Variants in PLB1 observed in about 807,000 individuals in gnomAD.
PLB1 encodes the protein phospholipase B1.
A neutral mutation model predicts 227.4 loss-of-function variants in PLB1; 242 were observed. The ratio of observed to expected loss-of-function variants is 1.06; its 90% CI spans 0.96 to 1.18. PLB1 has a LOEUF of 1.18. PLB1 is among the 50% of genes most tolerant of loss of function. The probability of loss-of-function intolerance (pLI) is 0.00; values close to 1 mark genes in which losing one functional copy is unlikely to be tolerated. For missense variants in PLB1, 1,858 were observed against 1,816.3 expected, an observed-to-expected ratio of 1.02 and a Z score of -0.42; for synonymous variants, 757 against 682.2, an observed-to-expected ratio of 1.11 and a Z score of -1.71.
intron 14 of PLB1, 128 bp from the exon 15 acceptor site, chr2:28,548,732 C>A (rs2148219053): frequency 1.2e-6 from 1 of 849,344 alleles, no homozygotes; most frequent in Non-Finnish European, 1.9e-6. Flanking sequence ...GGGATGGGGG[C>A]TGGACACGTG....
intron 23 of PLB1, among the ~76,000 whole-genome samples, chr2:28,580,545 T>C (rs1679749268): frequency 6.6e-6 from 1 of 152,130 alleles, no homozygotes; most frequent in South Asian, 2.1e-4. Flanking sequence ...TGAAACCCTG[T>C]CTCTACAAAA....
intron 1 of PLB1, among the ~76,000 whole-genome samples, chr2:28,496,962 A>G (rs1378052666): frequency 6.6e-6 from 1 of 152,236 alleles, no homozygotes; most frequent in Non-Finnish European, 1.5e-5. Context: ...GGGCCTGCCT[A>G]GGGTCTGAGC....
At chr2:28,502,027 A>C (rs60933180) in intron 1 of PLB1, among the ~76,000 whole-genome samples, 3,224 of 152,312 alleles carry the variant, frequency 0.021, 110 homozygotes, top group African/African-American at 0.074. Flanking sequence ...GTGAACACAC[A>C]TATAGATTTG....
At position 28,589,702 on chromosome 2, in the gene PLB1, G is replaced by A. The variant is rs140237066; in HGVS notation, c.1948G>A (p.Ala650Thr). ...SEGLPDNSFF[A>T]PDCFHFSSKS... ...AGGATTGCCTGACAACTCTTTCTTC[G>A]CTCCTGACTGTTTCCACTTCAGCAG... Residue 650 changes from alanine to threonine, a missense_variant, in exon 28 of 58, where the codon GCT (alanine) becomes ACT (threonine). Coordinates refer to ENST00000327757, the MANE Select transcript of PLB1 (RefSeq NM_153021.5). 47 of 1,613,896 alleles carry A rather than the reference G, an allele frequency of 2.9e-5. No homozygotes were observed. In the African/African-American group the frequency reaches 4.8e-4, roughly 16 times the overall value.
At chr2:28,535,983 G>C (rs1278892327) in intron 9 of PLB1, among the ~76,000 whole-genome samples, 1 of 152,102 alleles carries the variant, frequency 6.6e-6, no homozygotes, top group East Asian at 1.9e-4. Flanking sequence ...AGATCCCTCT[G>C]TGGGCATATG....
intron 20 of PLB1, among the ~76,000 whole-genome samples, chr2:28,570,620 C>T (rs1167457947): frequency 6.6e-6 from 1 of 152,070 alleles, no homozygotes; most frequent in African/African-American, 2.4e-5. Context: ...ACCCTGTCTC[C>T]ACTAAAAACA....
At chr2:28,511,659 A>G (rs754841328) in intron 1 of PLB1, among the ~76,000 whole-genome samples, 4 of 152,154 alleles carry the variant, frequency 2.6e-5, no homozygotes, top group Non-Finnish European at 4.4e-5. Flanking sequence ...TACATAGACT[A>G]TTATAGTTGA....
At chr2:28,508,893 A>G (rs921175239) in intron 1 of PLB1, among the ~76,000 whole-genome samples, 1 of 152,240 alleles carries the variant, frequency 6.6e-6, no homozygotes, top group African/African-American at 2.4e-5. Context: ...CCTCAGTGCC[A>G]CATGAGTTGG....
chr2:28,593,204 T>C (rs1193892638), intron 32 of PLB1, among the ~76,000 whole-genome samples: 1 of 152,122 alleles, frequency 6.6e-6, no homozygotes, highest in African/African-American at 2.4e-5. Flanking sequence ...TCCAGGAGCA[T>C]GTGCAAGGCC....
chr2:28,569,606 A>T (rs998019355), intron 20 of PLB1, among the ~76,000 whole-genome samples: 1 of 152,210 alleles, frequency 6.6e-6, no homozygotes, highest in Non-Finnish European at 1.5e-5. Flanking sequence ...AATAAATCAG[A>T]TAACTTGGAT....
At chr2:28,593,419 G>A (rs755794725) in intron 32 of PLB1, among the ~76,000 whole-genome samples, 86 of 152,178 alleles carry the variant, frequency 5.7e-4, no homozygotes, top group Non-Finnish European at 7.8e-4. Flanking sequence ...TTTTACAACT[G>A]TAATCCAATT....
intron 17 of PLB1, among the ~76,000 whole-genome samples, chr2:28,558,313 G>A (rs1428793348): frequency 6.6e-6 from 1 of 152,066 alleles, no homozygotes; most frequent in African/African-American, 2.4e-5. Context: ...CCAGTCCCAA[G>A]GATTTCCCCT....
chr2:28,582,125 C>G lies in PLB1; in HGVS notation c.1624C>G (p.His542Asp). The G allele has an allele frequency of 6.2e-7, 1 of 1,613,782 alleles. No individual in the cohort carries two copies. The highest frequency in any genetic ancestry group is 8.5e-7 in the Non-Finnish European group (1 of 1,179,660). The change falls in exon 24 of 58, where the codon CAT (histidine) becomes GAT (aspartate). Residue 542 changes from histidine (H) to aspartate (D), a missense_variant. Transcript: ENST00000327757. ...DNIGKALDILHAEVPRAFVNL... is the reference protein window; with the variant it reads ...DNIGKALDILDAEVPRAFVNL... ...CATTGGAAAGGCCCTGGACATCCTC[C>G]ATGCTGAGGTACGGAGGCTAGGCCA...
chr2:28,632,216 G>T, intron 55 of PLB1, 76 bp downstream of exon 55: 3 of 1,209,552 alleles, frequency 2.5e-6, no homozygotes, highest in Non-Finnish European at 3.5e-6. Flanking sequence ...CCTTCTCTAA[G>T]TGGGCTTTTT....
At chr2:28,538,085 G>A (rs947383523) in intron 9 of PLB1, among the ~76,000 whole-genome samples, 3 of 152,134 alleles carry the variant, frequency 2.0e-5, no homozygotes, top group Non-Finnish European at 4.4e-5. Flanking sequence ...TTTCACCTGT[G>A]GGGAGTTTGG....
intron 17 of PLB1, among the ~76,000 whole-genome samples, chr2:28,554,552 C>G (rs1253285266): frequency 1.5e-5 from 2 of 133,102 alleles, no homozygotes; most frequent in African/African-American, 5.9e-5. Context: ...CCAGGCTGGT[C>G]TTGAACTCCC....
At chr2:28,557,659 C>G (rs1474665038) in intron 17 of PLB1, among the ~76,000 whole-genome samples, 3 of 152,192 alleles carry the variant, frequency 2.0e-5, no homozygotes, top group Admixed American at 1.3e-4. Context: ...GAGGTCCCCT[C>G]TGTAGAAATC....
At chr2:28,605,400 G>A (rs1684526645) in intron 41 of PLB1, among the ~76,000 whole-genome samples, 1 of 152,150 alleles carries the variant, frequency 6.6e-6, no homozygotes, top group African/African-American at 2.4e-5. Flanking sequence ...TGAAGAGGCT[G>A]GAGTCAGGGG....
chr2:28,588,060 T>G (rs143726194), intron 26 of PLB1, among the ~76,000 whole-genome samples: 112 of 152,076 alleles, frequency 7.4e-4, no homozygotes, highest in African/African-American at 2.7e-3. Context: ...TCATGCCCTG[T>G]CTCAGAATCA....
Sources: allele counts gnomAD v4.1 joint callset (sites outside exome capture counted in the v4.1 genomes callset), GRCh38; gene constraint gnomAD v4.1.1; transcripts MANE v1.5; gene names NCBI Gene and HGNC (gene_info 2026-07-23, HGNC 2026-07-21).